RBCK1: variants seen among roughly 807,000 people sequenced by gnomAD.
RBCK1 encodes the protein RANBP2-type and C3HC4-type zinc finger containing 1, also known as ranBP-type and C3HC4-type zinc finger-containing protein 1.
In RBCK1, 44 loss-of-function variants were observed where a neutral mutation model predicts 71.1. That is an observed-to-expected ratio of 0.62 (90% confidence interval 0.49 to 0.80). The LOEUF (loss-of-function observed/expected upper bound fraction) is 0.80. RBCK1 is among the 30% of genes least tolerant of loss of function. The pLI is 0.00. For synonymous variants in RBCK1, 306 were observed against 279.7 expected (o/e 1.09, Z -0.94); for missense variants, 569 against 685.0 (o/e 0.83, Z 1.89).
At chr20:420,568 G>A (rs1304678731) in intron 6 of RBCK1, 2 of 979,348 alleles carry the variant, frequency 2.0e-6, no homozygotes, top group Non-Finnish European at 2.4e-6. Flanking sequence ...CTCACCTGGC[G>A]CCTTCCGTGG....
At chr20:421,922 G>A in intron 7 of RBCK1, 1 of 550,114 alleles carries the variant, frequency 1.8e-6, no homozygotes. Flanking sequence ...GCCTGGACCA[G>A]AGAATCAGAG....
At position 428,113 on chromosome 20, in the gene RBCK1, C is replaced by T. The variant is rs924189998; in HGVS notation, c.1210-378C>T. Among the ~76,000 whole-genome samples, 1 of 152,192 alleles carries T rather than the reference C, an allele frequency of 6.6e-6. No homozygotes were observed. The highest frequency in any genetic ancestry group is 2.4e-5 in the African/African-American group (1 of 41,446). On this transcript the variant is annotated intron_variant, in intron 9 of 11. Coordinates refer to ENST00000356286, the MANE Select transcript of RBCK1 (RefSeq NM_031229.4). This position sits in a 1 kb window ranked among gnomAD's most constrained non-coding sequence, Gnocchi z 5.7. ...TGGTCTCAGACTCAGCCTGAGCAAG[C>T]TCAGTCTGGGGTCATTGGGCCTGTA...
intron 7 of RBCK1, among the ~76,000 whole-genome samples, chr20:421,586 A>G (rs533885560): frequency 6.6e-6 from 1 of 152,324 alleles, no homozygotes; most frequent in South Asian, 2.1e-4. Context: ...AGTCCTTCCC[A>G]GAGAGGGTGG....
chr20:424,912 T>C (rs1053316194), intron 8 of RBCK1, among the ~76,000 whole-genome samples: 1 of 152,224 alleles, frequency 6.6e-6, no homozygotes, highest in East Asian at 1.9e-4. Context: ...CCTCACCACA[T>C]AGAACCAGAG....
At chr20:424,226 G>C (rs1369509661) in intron 8 of RBCK1, among the ~76,000 whole-genome samples, 1 of 152,214 alleles carries the variant, frequency 6.6e-6, no homozygotes, top group Non-Finnish European at 1.5e-5. Context: ...CCTGGCTGCT[G>C]GTGATCTCGA....
chr20:428,360 A>C lies in RBCK1; in HGVS notation c.1210-131A>C. 2 of 580,828 alleles carry C rather than the reference A, an allele frequency of 3.4e-6. No individual in the cohort carries two copies. The highest frequency in any genetic ancestry group is 6.1e-6 in the Non-Finnish European group (2 of 329,520). 36.0% of individuals were successfully genotyped at this position (580,828 alleles called of 1,614,324 possible). On this transcript the variant is annotated intron_variant, in intron 9 of 11. Transcript: ENST00000356286. The surrounding 1 kb of genome is among the most constrained non-coding windows in gnomAD (Gnocchi z 5.7). Reference sequence around the variant, plus strand: ...CTGTAAAATGGCTTATGCATTACAAAGTGAGGTCCTGCCAGTGACTACACC... The same window carrying C: ...CTGTAAAATGGCTTATGCATTACAACGTGAGGTCCTGCCAGTGACTACACC...
chr20:427,268 C>G (rs750764272), intron 8 of RBCK1, 45 bp from the exon 9 acceptor site: 2 of 1,596,768 alleles, frequency 1.3e-6, no homozygotes, highest in Non-Finnish European at 1.7e-6. Flanking sequence ...GGTCATATGT[C>G]AGGTGTTCTG....
At chr20:409,676 C>G (rs2015580573) in intron 1 of RBCK1, among the ~76,000 whole-genome samples, 1 of 152,012 alleles carries the variant, frequency 6.6e-6, no homozygotes, top group Non-Finnish European at 1.5e-5. Context: ...ACCAAATGAG[C>G]CTAGTGTGAG....
Position 427,372 on chromosome 20 carries a change from C to T in RBCK1, c.1089C>T (p.Asn363=). 3 of 1,614,168 alleles carry T rather than the reference C, an allele frequency of 1.9e-6. No individual in the cohort carries two copies. Among genetic ancestry groups the T allele is most frequent in the Non-Finnish European group, 2.5e-6 (3 of 1,180,042 alleles). ...FLDLGISIAE[N]RSAFSYHCKT... ...ACCTGGGCATCTCCATTGCTGAAAA[C>T]CGCAGTGCCTTCAGCTACCATTGCA... The change falls in exon 9 of 12, where the codon AAC becomes AAT. Residue 363 remains asparagine, a synonymous_variant. Transcript: ENST00000356286.
chr20:409,846 C>T lies in RBCK1; in HGVS notation c.23-35C>T, dbSNP rs761727859. Reference sequence around the variant, plus strand: ...TACTCTCAGCTCCTGAAAATAAACCCTGTGCTAACTGGCTCCTGCTGTACT... The same window carrying T: ...TACTCTCAGCTCCTGAAAATAAACCTTGTGCTAACTGGCTCCTGCTGTACT... On this transcript the variant is annotated intron_variant, in intron 1 of 11. Transcript: ENST00000356286. 4 of 1,600,846 alleles carry T rather than the reference C, an allele frequency of 2.5e-6. No individual in the cohort carries two copies. In the Admixed American group the frequency reaches 5.1e-5, roughly 20 times the overall value.
intron 6 of RBCK1, chr20:420,491 C>T: frequency 1.0e-6 from 1 of 984,476 alleles, no homozygotes; most frequent in South Asian, 4.7e-5. Context: ...CTGGCCCGGG[C>T]CCTGCCCTGC....
intron 6 of RBCK1, chr20:420,606 C>T: frequency 4.1e-6 from 4 of 979,920 alleles, no homozygotes; most frequent in Non-Finnish European, 3.6e-6. Flanking sequence ...CCTCCCTTGG[C>T]TTCCCCACCT....
At position 418,660 on chromosome 20, in the gene RBCK1, G is replaced by A. The variant is rs116763776; in HGVS notation, c.461-687G>A. On this transcript the variant is annotated intron_variant, in intron 4 of 11. Transcript: ENST00000356286. ...TGGGATTACAGGCGTGAGCCACCAC[G>A]CCCAACCCACATTTGCTTTCTTTTA... is the stretch of plus-strand genomic sequence containing the variant. Among the ~76,000 whole-genome samples, 882 of 152,304 alleles carry A rather than the reference G, an allele frequency of 5.8e-3. 14 individuals carry two copies. Among genetic ancestry groups the A allele is most frequent in the African/African-American group, 0.02 (837 of 41,558 alleles).
intron 8 of RBCK1, among the ~76,000 whole-genome samples, 156 bp from the exon 9 acceptor site, chr20:427,157 T>C (rs2016769887): frequency 6.6e-6 from 1 of 152,030 alleles, no homozygotes; most frequent in Admixed American, 6.6e-5. Flanking sequence ...ACTCTTTGAA[T>C]GGAGTTTTTC....
chr20:423,515 T>C (rs1236193086), intron 8 of RBCK1, among the ~76,000 whole-genome samples: 1 of 152,000 alleles, frequency 6.6e-6, no homozygotes, highest in Admixed American at 6.6e-5. Flanking sequence ...ACAAAAAAAA[T>C]TACAATAAAA....
chr20:426,256 T>C (rs1203719499), intron 8 of RBCK1, among the ~76,000 whole-genome samples: 1 of 152,176 alleles, frequency 6.6e-6, no homozygotes, highest in Non-Finnish European at 1.5e-5. Flanking sequence ...AAATGTACAA[T>C]TAAATTATTG....
chr20:425,650 G>A (rs1396221584), intron 8 of RBCK1, among the ~76,000 whole-genome samples: 7 of 120,916 alleles, frequency 5.8e-5, no homozygotes, highest in South Asian at 2.5e-4. Context: ...TTTTTGAGAC[G>A]AAGTCTCACT....
chr20:414,993 T>A (rs1315319168), intron 2 of RBCK1, among the ~76,000 whole-genome samples: 4 of 152,236 alleles, frequency 2.6e-5, no homozygotes, highest in Admixed American at 6.5e-5. Context: ...ATTGTTTACC[T>A]GAAGAATTTT....
In RBCK1 at chr20:422,333, T is replaced by G. The variant is rs924969933; in HGVS notation, c.1029+95T>G. ...AGACATCTTTCTTTTCTTTCTTTTT[T>G]TTTTTTGGAGATGGGGTCTCACTAT... is the stretch of plus-strand genomic sequence containing the variant. On this transcript the variant is annotated intron_variant, in intron 8 of 11. Transcript: ENST00000356286. This position sits in a 1 kb window ranked among gnomAD's most constrained non-coding sequence, Gnocchi z 5.0. The G allele has an allele frequency of 3.2e-5, 34 of 1,076,750 alleles. No individual in the cohort carries two copies. The highest frequency in any genetic ancestry group is 4.7e-5 in the Non-Finnish European group (34 of 725,120). The allele number at this position is 1,076,750 out of a possible 1,614,324, so 66.7% of individuals were successfully genotyped here.
Sources: allele counts gnomAD v4.1 joint callset (sites outside exome capture counted in the v4.1 genomes callset), GRCh38; gene constraint gnomAD v4.1.1; non-coding constraint Gnocchi (gnomAD v3.1); transcripts MANE v1.5; gene names NCBI Gene and HGNC (gene_info 2026-07-23, HGNC 2026-07-21).